Variants in GLB1L3 observed in about 807,000 individuals in gnomAD.
GLB1L3 encodes the protein beta-galactosidase-1-like protein 3.
In GLB1L3, 89 loss-of-function variants were observed where a neutral mutation model predicts 89.5. The ratio of observed to expected loss-of-function variants is 0.99; its 90% CI spans 0.84 to 1.19. The LOEUF (loss-of-function observed/expected upper bound fraction) is 1.19. Among genes scored for constraint, GLB1L3 ranks in the 50% most tolerant of loss-of-function variants. The probability of loss-of-function intolerance (pLI) is 0.00; values close to 1 mark genes in which losing one functional copy is unlikely to be tolerated. For missense variants in GLB1L3, 812 were observed against 813.3 expected, an observed-to-expected ratio of 1.00 and a Z score of 0.02; for synonymous variants, 314 against 312.3, an observed-to-expected ratio of 1.01 and a Z score of -0.06.
At chr11:134,314,174 C>G in intron 17 of GLB1L3, 146 bp downstream of exon 17, 4 of 739,218 alleles carry the variant, frequency 5.4e-6, no homozygotes, top group Admixed American at 2.2e-5. Context: ...AACTAGGGCC[C>G]TGGAACAAGT....
At chr11:134,296,641 A>G (rs561517252) in intron 9 of GLB1L3, among the ~76,000 whole-genome samples, 73 of 139,488 alleles carry the variant, frequency 5.2e-4, no homozygotes, top group African/African-American at 1.7e-3. Context: ...GAACTGAACA[A>G]TGAGAACACA....
Position 134,318,873 on chromosome 11 carries a change from T to C in GLB1L3, c.1897-4T>C, listed in dbSNP as rs1471033757. On this transcript the variant is annotated splice_region_variant and splice_polypyrimidine_tract_variant and intron_variant, in intron 19 of 19. Transcript: ENST00000431683. ...CCCACTGTCAACCTTTCTTTTCTTC[T>C]CAGGTCATCTTGTTTGAGAAGATGA... 1.9e-6 allele frequency: 3 copies of C among 1,612,684 alleles called. No homozygotes were observed. The highest frequency in any genetic ancestry group is 2.7e-5 in the African/African-American group (2 of 74,868).
chr11:134,288,428 G>A (rs1003218452), intron 6 of GLB1L3, among the ~76,000 whole-genome samples: 1 of 152,204 alleles, frequency 6.6e-6, no homozygotes, highest in Non-Finnish European at 1.5e-5. Context: ...ATCAGGCAGC[G>A]GAAGGCCGTG....
Position 134,308,220 on chromosome 11 carries a change from CCAT to C in GLB1L3, c.961+1015_961+1017del, listed in dbSNP as rs1565412459. 6.9e-4 allele frequency among the ~76,000 whole-genome samples: 16 copies of C among 23,138 alleles called. 1 individual carries two copies. Among genetic ancestry groups the C allele is most frequent in the Non-Finnish European group, 9.9e-4 (11 of 11,166 alleles). The allele number at this position is 23,138 out of a possible 152,430, so 15.2% of individuals were successfully genotyped here. A position where few individuals can be genotyped will look rare whatever the true frequency, so the allele number is the denominator to read the frequency against. On this transcript the variant is annotated intron_variant, in intron 10 of 19. Transcript: ENST00000431683. ...ATCACCACTACCACCACCACCATCA[CCAT>C]CACCACCACCACCATCACCATCACC...
At chr11:134,321,148 C>T (rs1371250947), downstream of GLB1L3, among the ~76,000 whole-genome samples, 1 of 152,126 alleles carries the variant, frequency 6.6e-6, no homozygotes, top group Non-Finnish European at 1.5e-5. Flanking sequence ...GAGGTAGCAT[C>T]AGCATAAAAC....
At chr11:134,279,651 C>T (rs535468379) in intron 3 of GLB1L3, among the ~76,000 whole-genome samples, 35 of 152,298 alleles carry the variant, frequency 2.3e-4, no homozygotes, top group Non-Finnish European at 4.0e-4. Flanking sequence ...CAGATGTGAG[C>T]CACCTCGCCC....
chr11:134,307,638 C>G (rs1379942508), intron 10 of GLB1L3, among the ~76,000 whole-genome samples: 2 of 151,830 alleles, frequency 1.3e-5, no homozygotes, highest in Non-Finnish European at 2.9e-5. Context: ...ATGGCATTGT[C>G]AACTAAGCAC....
rs1216377646 is a variant in GLB1L3, at chr11:134,307,189, C to T, written c.942C>T (p.His314=). ...VGWFDRWGDK[H]HVKDAKEVEH... is the part of the protein sequence containing the mutation. ...GGTTCGACAGATGGGGAGATAAGCA[C>T]CATGTTAAAGATGCAAAGGGTGAGT... The change falls in exon 10 of 20, where the codon CAC becomes CAT. Residue 314 remains histidine (H), a synonymous_variant. Coordinates refer to ENST00000431683, the MANE Select transcript of GLB1L3 (RefSeq NM_001080407.3). 3.1e-6 allele frequency: 5 copies of T among 1,613,138 alleles called. No homozygotes were observed. Among genetic ancestry groups the T allele is most frequent in the South Asian group, 2.2e-5 (2 of 90,952 alleles).
At chr11:134,304,578 C>A (rs1942097599) in intron 9 of GLB1L3, among the ~76,000 whole-genome samples, 1 of 152,078 alleles carries the variant, frequency 6.6e-6, no homozygotes, top group African/African-American at 2.4e-5. Context: ...TCATGTCCCT[C>A]ACAATGTTTA....
Position 134,287,258 on chromosome 11 carries a change from C to A in GLB1L3, c.637-1540C>A, listed in dbSNP as rs528072717. On this transcript the variant is annotated intron_variant, in intron 6 of 19. Coordinates refer to ENST00000431683, the MANE Select transcript of GLB1L3 (RefSeq NM_001080407.3). ...AGGCACATGTATGCAACGAGGAAAG[C>A]TAATTTACAGGCATCCCATTGAACT... The A allele has an allele frequency of 5.9e-5, 9 of 152,336 alleles. No individual in the cohort carries two copies. In the South Asian group the frequency reaches 1.9e-3, roughly 32 times the overall value. 9.4% of individuals were successfully genotyped at this position (152,336 alleles called of 1,614,324 possible).
chr11:134,294,193 G>T (rs181341071), intron 9 of GLB1L3, among the ~76,000 whole-genome samples: 1 of 151,892 alleles, frequency 6.6e-6, no homozygotes, highest in African/African-American at 2.4e-5. Context: ...CAGCCTCCCG[G>T]GTAGCTGTGA....
At chr11:134,282,161 G>C in intron 5 of GLB1L3, 41 bp downstream of exon 5, 1 of 1,518,462 alleles carries the variant, frequency 6.6e-7, no homozygotes, top group Non-Finnish European at 8.9e-7. Context: ...TTCTAGTGAA[G>C]TATTTGCTTT....
intron 9 of GLB1L3, among the ~76,000 whole-genome samples, chr11:134,300,918 G>A (rs958454598): frequency 6.6e-6 from 1 of 152,156 alleles, no homozygotes; most frequent in Non-Finnish European, 1.5e-5. Context: ...TGTGAATTTG[G>A]CTGGGGGACG....
chr11:134,295,367 T>A (rs967989771), intron 9 of GLB1L3, among the ~76,000 whole-genome samples: 1 of 152,218 alleles, frequency 6.6e-6, no homozygotes, highest in Non-Finnish European at 1.5e-5. Context: ...TTCTACTCAT[T>A]TTATTCTATT....
intron 5 of GLB1L3, among the ~76,000 whole-genome samples, chr11:134,282,895 C>T (rs1417175709): frequency 1.3e-5 from 2 of 152,154 alleles, no homozygotes; most frequent in Admixed American, 6.5e-5. Context: ...GTGGAGTTTT[C>T]GGGAAGCAGT....
chr11:134,305,143 C>A, intron 9 of GLB1L3: 1 of 1,514,468 alleles, frequency 6.6e-7, no homozygotes, highest in Non-Finnish European at 9.0e-7. Flanking sequence ...GGACTGCTCT[C>A]AGATGCCTCA....
chr11:134,317,441 C>G (rs1943033184), intron 18 of GLB1L3, among the ~76,000 whole-genome samples: 1 of 152,140 alleles, frequency 6.6e-6, no homozygotes, highest in Non-Finnish European at 1.5e-5. Flanking sequence ...CTTCCTTTGT[C>G]ATTACTTGTT....
intron 6 of GLB1L3, 87 bp from the exon 7 acceptor site, chr11:134,288,711 T>C (rs1941161350): frequency 5.8e-6 from 5 of 867,096 alleles, no homozygotes; most frequent in Non-Finnish European, 7.2e-6. Context: ...CCGCACCAGC[T>C]GTGCAGCCTT....
At chr11:134,296,891 A>G (rs905687011) in intron 9 of GLB1L3, among the ~76,000 whole-genome samples, 3 of 151,116 alleles carry the variant, frequency 2.0e-5, no homozygotes, top group African/African-American at 7.3e-5. Context: ...AAAGAAAATA[A>G]TGTGTAGTTT....
Sources: allele counts gnomAD v4.1 joint callset (sites outside exome capture counted in the v4.1 genomes callset), GRCh38; gene constraint gnomAD v4.1.1; transcripts MANE v1.5; gene names NCBI Gene and HGNC (gene_info 2026-07-23, HGNC 2026-07-21).